TMEM177: variants seen among roughly 807,000 people sequenced by gnomAD.
The protein encoded by TMEM177 is transmembrane protein 177.
In TMEM177, 4 loss-of-function variants were observed where a neutral mutation model predicts 14.2. The ratio of observed to expected loss-of-function variants is 0.28; its 90% CI spans 0.14 to 0.64. The LOEUF (loss-of-function observed/expected upper bound fraction) is 0.64. Ranked by LOEUF, TMEM177 falls within the 30% of genes least tolerant of loss-of-function variation. The pLI is 0.82. For synonymous variants in TMEM177, 179 were observed against 174.5 expected (o/e 1.03, Z -0.20); for missense variants, 344 against 405.2 (o/e 0.85, Z 1.30).
chr2:119,696,576 T>C, the TMEM177 span, among the ~76,000 whole-genome samples: 1 of 152,212 alleles, frequency 6.6e-6, no homozygotes, highest in South Asian at 2.1e-4. Flanking sequence ...TAAGTCATTA[T>C]AGAGCATCCA....
chr2:119,688,332 T>C (rs116281178), downstream of TMEM177, among the ~76,000 whole-genome samples: 2,135 of 152,318 alleles, frequency 0.014, 22 homozygotes, highest in Non-Finnish European at 0.021. Flanking sequence ...GACTTAGCAC[T>C]ATATATATTT....
At chr2:119,713,073 CTTT>C in the TMEM177 span, among the ~76,000 whole-genome samples, 1 of 146,528 alleles carries the variant, frequency 6.8e-6, no homozygotes, top group African/African-American at 2.5e-5. Context: ...TAATGGTTTT[CTTT>C]TTTTTTTTTT....
At chr2:119,706,185 G>A in the TMEM177 span, among the ~76,000 whole-genome samples, 7 of 151,916 alleles carry the variant, frequency 4.6e-5, no homozygotes, top group South Asian at 2.1e-4. Context: ...CACCACGCCC[G>A]GCTACTTTTT....
chr2:119,717,340 A>AAAGAAAAAG, the TMEM177 span, among the ~76,000 whole-genome samples: 1 of 151,998 alleles, frequency 6.6e-6, no homozygotes, highest in Non-Finnish European at 1.5e-5. Flanking sequence ...GAAAAAAAAA[A>AAAGAAAAAG]AAGAAAAAGA....
the TMEM177 span, among the ~76,000 whole-genome samples, chr2:119,693,661 A>C: frequency 6.6e-6 from 1 of 152,112 alleles, no homozygotes; most frequent in Non-Finnish European, 1.5e-5. Context: ...CATTCTCTAA[A>C]TACCTGGGGG....
At chr2:119,712,951 G>C in the TMEM177 span, among the ~76,000 whole-genome samples, 1 of 152,136 alleles carries the variant, frequency 6.6e-6, no homozygotes, top group Non-Finnish European at 1.5e-5. Flanking sequence ...TGTACATTAA[G>C]TCAGCATTTA....
chr2:119,709,360 T>G, the TMEM177 span, among the ~76,000 whole-genome samples: 3 of 152,164 alleles, frequency 2.0e-5, no homozygotes, highest in Non-Finnish European at 4.4e-5. Context: ...TCAAGAAATA[T>G]TTGGTCCATT....
downstream of TMEM177, among the ~76,000 whole-genome samples, chr2:119,687,623 C>T (rs1369698824): frequency 6.6e-6 from 1 of 152,122 alleles, no homozygotes; most frequent in Non-Finnish European, 1.5e-5. Flanking sequence ...TACCAGGTCC[C>T]TCCCGTGATA....
chr2:119,703,141 G>A, the TMEM177 span, among the ~76,000 whole-genome samples: 3 of 152,250 alleles, frequency 2.0e-5, no homozygotes, highest in African/African-American at 7.2e-5. Flanking sequence ...GCTAGGGAGT[G>A]GCACCTTTGT....
chr2:119,698,076 G>A, the TMEM177 span, among the ~76,000 whole-genome samples: 3 of 152,036 alleles, frequency 2.0e-5, no homozygotes, highest in African/African-American at 7.2e-5. Context: ...CTTGCAGGAA[G>A]GTGAGGGCAG....
chr2:119,714,608 G>A, the TMEM177 span, among the ~76,000 whole-genome samples: 1 of 152,332 alleles, frequency 6.6e-6, no homozygotes, highest in South Asian at 2.1e-4. Context: ...CCACTCCTTC[G>A]ATCTGCCCCA....
chr2:119,697,330 G>A, the TMEM177 span, among the ~76,000 whole-genome samples: 4 of 152,336 alleles, frequency 2.6e-5, no homozygotes, highest in Non-Finnish European at 5.9e-5. Flanking sequence ...GGAGGCCAAG[G>A]CTTGTGGGTC....
chr2:119,704,224 C>CTA, the TMEM177 span, among the ~76,000 whole-genome samples: 1 of 152,140 alleles, frequency 6.6e-6, no homozygotes, highest in South Asian at 2.1e-4. Context: ...AGAAGGTACT[C>CTA]TAGACATTTA....
chr2:119,703,838 C>T, the TMEM177 span, among the ~76,000 whole-genome samples: 2 of 152,202 alleles, frequency 1.3e-5, no homozygotes, highest in African/African-American at 4.8e-5. Flanking sequence ...CCCCTTGATC[C>T]TAAGGGTGGT....
the TMEM177 span, among the ~76,000 whole-genome samples, chr2:119,701,436 G>A: frequency 3.3e-5 from 5 of 152,306 alleles, no homozygotes; most frequent in South Asian, 8.3e-4. Context: ...CCGCGAGTGG[G>A]TTGAGGGGAT....
chr2:119,693,079 G>A, the TMEM177 span, among the ~76,000 whole-genome samples: 1 of 152,096 alleles, frequency 6.6e-6, no homozygotes, highest in Non-Finnish European at 1.5e-5. Flanking sequence ...AAGGCAGTGG[G>A]GCCGGCATGG....
chr2:119,718,272 C>A, the TMEM177 span, among the ~76,000 whole-genome samples: 1 of 152,180 alleles, frequency 6.6e-6, no homozygotes, highest in African/African-American at 2.4e-5. Context: ...CTGAAATCAC[C>A]ATTACGCTCA....
At chr2:119,705,956 C>T in the TMEM177 span, among the ~76,000 whole-genome samples, 1 of 125,246 alleles carries the variant, frequency 8.0e-6, no homozygotes, top group Non-Finnish European at 1.7e-5. Context: ...GTAATTGTGA[C>T]AATGCCAGGA....
At chr2:119,719,829 T>G in the TMEM177 span, among the ~76,000 whole-genome samples, 1 of 152,308 alleles carries the variant, frequency 6.6e-6, no homozygotes, top group South Asian at 2.1e-4. Context: ...TATCTCACTC[T>G]GTCACCCAGG....
Sources: allele counts gnomAD v4.1 joint callset (sites outside exome capture counted in the v4.1 genomes callset), GRCh38; gene constraint gnomAD v4.1.1; transcripts MANE v1.5; gene names NCBI Gene and HGNC (gene_info 2026-07-23, HGNC 2026-07-21).